ITK: variants seen among roughly 807,000 people sequenced by gnomAD.
ITK encodes the protein tyrosine-protein kinase ITK/TSK.
A neutral mutation model predicts 87.6 loss-of-function variants in ITK; 45 were observed. The ratio of observed to expected loss-of-function variants is 0.51; its 90% confidence interval spans 0.40 to 0.66. ITK has a LOEUF of 0.66. ITK is among the 30% of genes least tolerant of loss of function. The pLI is 0.00. For missense variants in ITK, 605 were observed against 766.3 expected (o/e 0.79, Z 2.48); for synonymous variants, 303 against 273.6 (o/e 1.11, Z -1.06).
rs1291972433 is a variant in ITK, at chr5:157,253,436, G to A, written c.*758G>A. ...GCACCAGAACAAGAGAACCTCTGAC[G>A]GTGGAGAACCATGTGGTGCAAGAAG... On this transcript the variant is annotated 3_prime_UTR_variant, in exon 17 of 17. Transcript: ENST00000422843. 1.3e-5 allele frequency: 3 copies of A among 225,586 alleles called. No homozygotes were observed. Among genetic ancestry groups the A allele is most frequent in the Admixed American group, 5.7e-5 (1 of 17,598 alleles). 14.0% of individuals were successfully genotyped at this position (225,586 alleles called of 1,614,324 possible). A position where few individuals can be genotyped will look rare whatever the true frequency, so the allele number is the denominator to read the frequency against.
intron 1 of ITK, among the ~76,000 whole-genome samples, chr5:157,207,283 C>T (rs185999887): frequency 6.6e-6 from 1 of 151,968 alleles, no homozygotes; most frequent in African/African-American, 2.4e-5. Flanking sequence ...ATCTCCCCCA[C>T]CTCGCCCATT....
At chr5:157,222,568 C>T (rs1019835899) in intron 5 of ITK, among the ~76,000 whole-genome samples, 3 of 152,190 alleles carry the variant, frequency 2.0e-5, no homozygotes, top group African/African-American at 7.2e-5. Context: ...GGGCATGATG[C>T]ATCCAGCAGA....
At chr5:157,201,961 A>C (rs781611051) in intron 1 of ITK, among the ~76,000 whole-genome samples, 1 of 152,186 alleles carries the variant, frequency 6.6e-6, no homozygotes, top group Non-Finnish European at 1.5e-5. Flanking sequence ...CATAGTACCC[A>C]GTAGGTAGAT....
intron 7 of ITK, 23 bp from the exon 8 acceptor site, chr5:157,232,317 A>G: frequency 1.9e-6 from 3 of 1,557,850 alleles, no homozygotes; most frequent in Non-Finnish European, 2.7e-6. Flanking sequence ...TGTCATTGAC[A>G]TATGACTTTT....
At position 157,238,179 on chromosome 5, in the gene ITK, A is replaced by G. The variant is rs1311334077; in HGVS notation, c.839A>G (p.Lys280Arg). ...ACATACACCGTGTCTGTTTTCACCA[A>G]GGCTGTTGTAAGGTATGGAGCTAAC... is the stretch of plus-strand genomic sequence containing the variant. ...AGTYTVSVFT[K>R]AVVSENNPCI... is the part of the protein sequence containing the mutation. Residue 280 changes from lysine (K) to arginine (R), a missense_variant, in exon 9 of 17, where the codon AAG becomes AGG. Around this residue, in one of 3 missense-constraint regions of ITK, gnomAD observed 464 missense variants for 578.0 expected, o/e 0.80. Coordinates refer to ENST00000422843, the MANE Select transcript of ITK (RefSeq NM_005546.4). 1 of 1,613,324 alleles carries G rather than the reference A, an allele frequency of 6.2e-7. No homozygotes were observed. The highest frequency in any genetic ancestry group is 8.5e-7 in the Non-Finnish European group (1 of 1,179,258).
At position 157,253,362 on chromosome 5, in the gene ITK, G is replaced by A. The variant is rs1755182381; in HGVS notation, c.*684G>A. The A allele has an allele frequency of 4.3e-6, 1 of 233,518 alleles. No individual in the cohort carries two copies. The highest frequency in any genetic ancestry group is 5.1e-5 in the Admixed American group (1 of 19,426). The allele number at this position is 233,518 out of a possible 1,614,324, so 14.5% of individuals were successfully genotyped here. On this transcript the variant is annotated 3_prime_UTR_variant, in exon 17 of 17. Transcript: ENST00000422843. ...ATGGCGAGACCCATTGGATGGATTG[G>A]GGTGAACAGTTCAGGTCCCATGCTT... is the stretch of plus-strand genomic sequence containing the variant.
At chr5:157,196,645 G>T (rs1446585421) in intron 1 of ITK, among the ~76,000 whole-genome samples, 1 of 152,036 alleles carries the variant, frequency 6.6e-6, no homozygotes, top group Admixed American at 6.6e-5. Context: ...TTGTCATAGG[G>T]TTCACAATAA....
chr5:157,182,064 C>A (rs1753543199), intron 1 of ITK, among the ~76,000 whole-genome samples: 1 of 152,230 alleles, frequency 6.6e-6, no homozygotes, highest in Non-Finnish European at 1.5e-5. Flanking sequence ...TTCAAAACTT[C>A]TTTGCTTTAT....
intron 1 of ITK, among the ~76,000 whole-genome samples, chr5:157,183,654 G>A (rs917170831): frequency 2.0e-5 from 3 of 152,106 alleles, no homozygotes; most frequent in Non-Finnish European, 4.4e-5. Context: ...CTAAGATCAG[G>A]GTCCTGGATT....
At chr5:157,184,949 C>T (rs970509835) in intron 1 of ITK, among the ~76,000 whole-genome samples, 3 of 152,182 alleles carry the variant, frequency 2.0e-5, no homozygotes, top group African/African-American at 7.2e-5. Context: ...CAGTCAAGAT[C>T]ACCATTCCAG....
chr5:157,190,575 A>G (rs1431139292), intron 1 of ITK, among the ~76,000 whole-genome samples: 3 of 152,202 alleles, frequency 2.0e-5, no homozygotes, highest in African/African-American at 7.2e-5. Flanking sequence ...TGGGACAGAC[A>G]GCAAGCAAGT....
intron 1 of ITK, among the ~76,000 whole-genome samples, chr5:157,186,767 A>G (rs1331416285): frequency 6.6e-6 from 1 of 151,912 alleles, no homozygotes; most frequent in Non-Finnish European, 1.5e-5. Context: ...TTCCCACAGG[A>G]TATCTCTCAC....
intron 1 of ITK, among the ~76,000 whole-genome samples, chr5:157,184,495 G>T (rs1294459236): frequency 6.6e-6 from 1 of 152,106 alleles, no homozygotes; most frequent in Non-Finnish European, 1.5e-5. Flanking sequence ...GACTGATATC[G>T]GATCCTTTTC....
At chr5:157,232,163 C>T (rs751599488) in intron 7 of ITK, among the ~76,000 whole-genome samples, 177 bp from the exon 8 acceptor site, 20 of 152,040 alleles carry the variant, frequency 1.3e-4, no homozygotes, top group South Asian at 1.0e-3. Context: ...TGAGTTTAAA[C>T]GCACTGGTAG....
intron 3 of ITK, among the ~76,000 whole-genome samples, chr5:157,212,340 A>T (rs1482020719): frequency 6.6e-6 from 1 of 152,222 alleles, no homozygotes; most frequent in Non-Finnish European, 1.5e-5. Flanking sequence ...GGATAAGCAA[A>T]CTATTTGTTA....
In ITK at chr5:157,245,752, A is replaced by C. The variant is rs750736762; in HGVS notation, c.1476A>C (p.Glu492Asp). The change falls in exon 14 of 17, where the codon GAA becomes GAC. Residue 492 changes from glutamate to aspartate, a missense_variant. By Grantham distance (45) the Glu-to-Asp change is conservative (BLOSUM62 2). Around this residue, in one of 3 missense-constraint regions of ITK, gnomAD observed 70 missense variants for 122.5 expected, o/e 0.57. Coordinates refer to ENST00000422843, the MANE Select transcript of ITK (RefSeq NM_005546.4). ...DLAARNCLVG[E>D]NQVIKVSDFG... ...CTGCCAGAAATTGTTTGGTGGGAGA[A>C]AACCAAGTCATCAAGGTGTCTGACT... 6.2e-7 allele frequency: 1 copy of C among 1,614,204 alleles called. No individual in the cohort carries two copies. Among genetic ancestry groups the C allele is most frequent in the Non-Finnish European group, 8.5e-7 (1 of 1,180,030 alleles).
At chr5:157,229,554 G>T (rs1754606896) in intron 7 of ITK, among the ~76,000 whole-genome samples, 2 of 151,736 alleles carry the variant, frequency 1.3e-5, no homozygotes, top group Admixed American at 6.6e-5. Flanking sequence ...AATGTCCTGG[G>T]CTCTTCAAAA....
Position 157,192,953 on chromosome 5 carries a change from C to T in ITK, c.138+11838C>T, listed in dbSNP as rs1174883268. Reference sequence around the variant, plus strand: ...TTCAAAAACATGGAAACTTGGCTCACATTTGTAATACCAACACTTTGAGAG... The same window carrying T: ...TTCAAAAACATGGAAACTTGGCTCATATTTGTAATACCAACACTTTGAGAG... On this transcript the variant is annotated intron_variant, in intron 1 of 16. Transcript: ENST00000422843. 2.0e-5 allele frequency among the ~76,000 whole-genome samples: 3 copies of T among 152,206 alleles called. No individual in the cohort carries two copies. In the East Asian group the frequency reaches 5.8e-4, roughly 29 times the overall value.
chr5:157,237,384 G>A (rs1754798094), intron 8 of ITK, among the ~76,000 whole-genome samples: 1 of 152,218 alleles, frequency 6.6e-6, no homozygotes, highest in African/African-American at 2.4e-5. Flanking sequence ...CCAAAAGTTG[G>A]AAGGAATGGA....
Sources: allele counts gnomAD v4.1 joint callset (sites outside exome capture counted in the v4.1 genomes callset), GRCh38; gene constraint gnomAD v4.1.1; regional missense constraint gnomAD v4.1.1; transcripts MANE v1.5; gene names NCBI Gene and HGNC (gene_info 2026-07-23, HGNC 2026-07-21).